Variants in DCDC2 observed in about 807,000 individuals in gnomAD.
DCDC2 encodes doublecortin domain containing 2.
A neutral mutation model predicts 50.2 loss-of-function variants in DCDC2; 40 were observed. That is an observed-to-expected ratio of 0.80 (90% confidence interval 0.62 to 1.04). The LOEUF (loss-of-function observed/expected upper bound fraction) is 1.04. Among genes scored for constraint, DCDC2 ranks in the 50% least tolerant of loss-of-function variants. DCDC2 has a pLI of 0.00. For missense variants in DCDC2, 570 were observed against 581.9 expected (o/e 0.98, Z 0.21); for synonymous variants, 234 against 210.6 (o/e 1.11, Z -0.96).
At chr6:24,207,290 G>GTCTCTCTCTCTCTCTCTC (rs1761740866) in intron 7 of DCDC2, among the ~76,000 whole-genome samples, 1 of 95,946 alleles carries the variant, frequency 1.0e-5, no homozygotes, top group Admixed American at 1.0e-4. Context: ...CTCTCTCTCA[G>GTCTCTCTCTCTCTCTCTC]ACACACACAC....
intron 7 of DCDC2, among the ~76,000 whole-genome samples, chr6:24,227,057 G>A (rs1268847786): frequency 6.6e-6 from 1 of 152,190 alleles, no homozygotes; most frequent in African/African-American, 2.4e-5. Flanking sequence ...GAAGGGGATT[G>A]ATCTTTCTTC....
chr6:24,289,516 G>T (rs770474449), intron 5 of DCDC2, among the ~76,000 whole-genome samples: 1 of 152,172 alleles, frequency 6.6e-6, no homozygotes, highest in Non-Finnish European at 1.5e-5. Flanking sequence ...CTTATTAATT[G>T]TATGAGAAAG....
intron 7 of DCDC2, among the ~76,000 whole-genome samples, chr6:24,264,744 G>A (rs1763081515): frequency 6.6e-6 from 1 of 151,476 alleles, no homozygotes; most frequent in African/African-American, 2.4e-5. Context: ...ACAACAAAAT[G>A]GCAAGAGTAA....
chr6:24,203,102 C>T (rs1417285504), intron 8 of DCDC2, among the ~76,000 whole-genome samples: 1 of 152,124 alleles, frequency 6.6e-6, no homozygotes, highest in African/African-American at 2.4e-5. Flanking sequence ...ATCAAGCTAC[C>T]ATTGACTTTC....
chr6:24,371,865 T>C, the DCDC2 span, among the ~76,000 whole-genome samples: 2 of 151,948 alleles, frequency 1.3e-5, no homozygotes, highest in Admixed American at 1.3e-4. Flanking sequence ...AAAAGACACA[T>C]GAAAAAATGC....
At chr6:24,198,123 T>C (rs1368667292) in intron 8 of DCDC2, among the ~76,000 whole-genome samples, 1 of 152,134 alleles carries the variant, frequency 6.6e-6, no homozygotes, top group Non-Finnish European at 1.5e-5. Flanking sequence ...ATACAGGCAA[T>C]TCCTTTATGA....
upstream of DCDC2, among the ~76,000 whole-genome samples, chr6:24,359,488 A>ATTATATAGT (rs71002485): frequency 1.3e-5 from 1 of 79,152 alleles, no homozygotes; most frequent in African/African-American, 5.4e-5. Context: ...TTTTATATAT[A>ATTATATAGT]ATATATTATA....
At chr6:24,375,941 G>A in the DCDC2 span, among the ~76,000 whole-genome samples, 1 of 152,124 alleles carries the variant, frequency 6.6e-6, no homozygotes, top group Admixed American at 6.5e-5. Context: ...TCTATCACTG[G>A]GATTCACAGA....
At chr6:24,269,062 G>T (rs1489005229) in intron 7 of DCDC2, among the ~76,000 whole-genome samples, 1 of 152,120 alleles carries the variant, frequency 6.6e-6, no homozygotes, top group African/African-American at 2.4e-5. Context: ...TGCAATAAAG[G>T]TTATATCTTA....
At position 24,279,132 on chromosome 6, in the gene DCDC2, G is replaced by C. The variant is rs145795487; in HGVS notation, c.760-921C>G. On this transcript the variant is annotated intron_variant, in intron 6 of 9. Coordinates refer to ENST00000378454, the MANE Select transcript of DCDC2 (RefSeq NM_016356.5). ...TATCACTGGCCCAGTACAGCTCCTG[G>C]GGAGCCACATAGCAGCCACTACATT... Among the ~76,000 whole-genome samples, 332 of 152,296 alleles carry C rather than the reference G, an allele frequency of 2.2e-3. 1 individual carries two copies. Among genetic ancestry groups the C allele is most frequent in the Non-Finnish European group, 3.4e-3 (232 of 68,012 alleles).
chr6:24,355,912 A>G (rs1760459564), intron 1 of DCDC2, among the ~76,000 whole-genome samples: 1 of 152,198 alleles, frequency 6.6e-6, no homozygotes, highest in South Asian at 2.1e-4. Flanking sequence ...TTGAATTTTA[A>G]TTATTAAGAA....
At chr6:24,370,614 G>A in the DCDC2 span, among the ~76,000 whole-genome samples, 2 of 152,170 alleles carry the variant, frequency 1.3e-5, no homozygotes, top group African/African-American at 4.8e-5. Flanking sequence ...AGGGGCTGAG[G>A]CAAGAGGATT....
chr6:24,236,457 G>A lies in DCDC2; in HGVS notation c.923-31355C>T, dbSNP rs1048461763. ...TGCAAGAATCCTAGAAGACGACCTA[G>A]GAAACAGTATTCTGGACATTGGCCT... On this transcript the variant is annotated intron_variant, in intron 7 of 9. Coordinates refer to ENST00000378454, the MANE Select transcript of DCDC2 (RefSeq NM_016356.5). Among the ~76,000 whole-genome samples, 4 of 152,306 alleles carry A rather than the reference G, an allele frequency of 2.6e-5. No individual in the cohort carries two copies. In the East Asian group the frequency reaches 7.7e-4, roughly 29 times the overall value.
At chr6:24,174,886 G>T (rs1470339231) in intron 9 of DCDC2, 52 bp from the exon 10 acceptor site, 2 of 1,167,962 alleles carry the variant, frequency 1.7e-6, no homozygotes, top group African/African-American at 1.6e-5. Context: ...GTTCACAAAG[G>T]TAATGACATT....
rs1269987993 is a variant in DCDC2, at chr6:24,203,030, G to A, written c.1023+1972C>T. ...AACATTCCATTCTTGTGGATAGGAAGAATTGATATTGTGAAAATGGCCATA... is the reference window on the plus strand; with the variant it reads ...AACATTCCATTCTTGTGGATAGGAAAAATTGATATTGTGAAAATGGCCATA... On this transcript the variant is annotated intron_variant, in intron 8 of 9. Transcript: ENST00000378454. Among the ~76,000 whole-genome samples, 3 of 152,148 alleles carry A rather than the reference G, an allele frequency of 2.0e-5. No individual in the cohort carries two copies. In the East Asian group the frequency reaches 5.8e-4, roughly 29 times the overall value.
intron 6 of DCDC2, among the ~76,000 whole-genome samples, chr6:24,281,624 A>G (rs1483422141): frequency 6.6e-6 from 1 of 151,942 alleles, no homozygotes; most frequent in Non-Finnish European, 1.5e-5. Flanking sequence ...TATTTGTTTT[A>G]CACAATTACA....
intron 2 of DCDC2, among the ~76,000 whole-genome samples, chr6:24,348,423 G>A (rs1011475432): frequency 1.3e-5 from 2 of 152,156 alleles, no homozygotes; most frequent in Non-Finnish European, 2.9e-5. Flanking sequence ...TCAAAGAAGG[G>A]ATCCTTGTGG....
chr6:24,250,538 C>T (rs953647889), intron 7 of DCDC2, among the ~76,000 whole-genome samples: 3 of 152,156 alleles, frequency 2.0e-5, no homozygotes, highest in African/African-American at 7.2e-5. Flanking sequence ...TTTCTAAAAG[C>T]ATGTTGTCCC....
chr6:24,275,866 A>ATTTTTT (rs10685261), intron 7 of DCDC2, among the ~76,000 whole-genome samples: 1,372 of 108,054 alleles, frequency 0.013, 72 homozygotes, highest in African/African-American at 0.022. Flanking sequence ...CAATAATTCA[A>ATTTTTT]TTTTTTTTTT....
Sources: allele counts gnomAD v4.1 joint callset (sites outside exome capture counted in the v4.1 genomes callset), GRCh38; gene constraint gnomAD v4.1.1; transcripts MANE v1.5; gene names NCBI Gene and HGNC (gene_info 2026-07-23, HGNC 2026-07-21).